Variants in SSBP3 observed in about 807,000 individuals in gnomAD.
SSBP3 encodes the protein single-stranded DNA-binding protein 3.
Under a neutral mutation model 69.6 loss-of-function variants are expected in SSBP3, and 5 were observed. That is an observed-to-expected ratio of 0.07 (90% CI 0.04 to 0.15). The LOEUF is 0.15. Among genes scored for constraint, SSBP3 ranks in the 10% least tolerant of loss-of-function variants. The probability of loss-of-function intolerance (pLI) is 1.00; values close to 1 mark genes in which losing one functional copy is unlikely to be tolerated. For missense variants in SSBP3, 312 were observed against 534.0 expected, an observed-to-expected ratio of 0.58 and a Z score of 4.10; for synonymous variants, 196 against 193.4, an observed-to-expected ratio of 1.01 and a Z score of -0.11.
chr1:54,376,331 T>C (rs1021563822), intron 4 of SSBP3, among the ~76,000 whole-genome samples: 6 of 152,342 alleles, frequency 3.9e-5, no homozygotes, highest in Non-Finnish European at 7.3e-5. Flanking sequence ...CTTTTAGGCA[T>C]GTTACCACTG....
At chr1:54,284,721 A>G (rs1488221637) in intron 4 of SSBP3, among the ~76,000 whole-genome samples, 2 of 152,088 alleles carry the variant, frequency 1.3e-5, no homozygotes, top group African/African-American at 2.4e-5. Flanking sequence ...CTGCCACCTC[A>G]GCCCCCAAAA....
At chr1:54,368,211 T>C (rs1360568319) in intron 4 of SSBP3, among the ~76,000 whole-genome samples, 2 of 137,522 alleles carry the variant, frequency 1.5e-5, no homozygotes, top group African/African-American at 2.8e-5. Context: ...GGCAGAAAAA[T>C]GGCATGAACC....
intron 3 of SSBP3, among the ~76,000 whole-genome samples, chr1:54,403,353 T>C (rs868692553): frequency 1.3e-5 from 2 of 152,132 alleles, no homozygotes; most frequent in Middle Eastern, 3.2e-3. Context: ...TTTCTAACAC[T>C]ACAAATTCCC....
chr1:54,251,476 G>A, intron 9 of SSBP3, 140 bp downstream of exon 9: 2 of 945,280 alleles, frequency 2.1e-6, no homozygotes, highest in East Asian at 5.2e-5. Context: ...AAGCGGACAG[G>A]AGCAGGGGAT....
chr1:54,233,603 T>C (rs1407036102), intron 14 of SSBP3, among the ~76,000 whole-genome samples: 1 of 120,910 alleles, frequency 8.3e-6, no homozygotes, highest in African/African-American at 3.2e-5. Context: ...GTCAGCCCCC[T>C]GCCCGGCCAG....
exon 13 of SSBP3, chr1:54,240,955 G>A: frequency 6.2e-7 from 1 of 1,609,036 alleles, no homozygotes; most frequent in Non-Finnish European, 8.5e-7. Flanking sequence ...ACCACCAGGG[G>A]GTCCCTAAAG....
intron 4 of SSBP3, among the ~76,000 whole-genome samples, chr1:54,359,066 G>C (rs924096405): frequency 2.6e-5 from 4 of 152,262 alleles, no homozygotes; most frequent in South Asian, 4.1e-4. Flanking sequence ...ATTATCAGAA[G>C]AACATTGGCA....
intron 4 of SSBP3, among the ~76,000 whole-genome samples, chr1:54,331,032 T>C (rs550734568): frequency 1.3e-5 from 2 of 152,358 alleles, no homozygotes; most frequent in Admixed American, 6.5e-5. Flanking sequence ...ACATCCATCA[T>C]TGCAAACACT....
At chr1:54,281,414 A>G (rs1392559523) in intron 5 of SSBP3, 24 bp downstream of exon 5, 24 of 1,540,968 alleles carry the variant, frequency 1.6e-5, no homozygotes, top group Non-Finnish European at 2.0e-5. Flanking sequence ...GGTGGAGCAC[A>G]AGACCCACGG....
chr1:54,229,077 A>G (rs61776465), intron 14 of SSBP3, among the ~76,000 whole-genome samples: 14,837 of 151,970 alleles, frequency 0.098, 979 homozygotes, highest in South Asian at 0.24. Context: ...CTGCCACCCA[A>G]CTCCACACAG....
At chr1:54,385,942 G>C (rs1346565231) in intron 4 of SSBP3, among the ~76,000 whole-genome samples, 3 of 152,178 alleles carry the variant, frequency 2.0e-5, no homozygotes, top group African/African-American at 7.2e-5. Flanking sequence ...GACACAAAAA[G>C]TAAAGTCGCT....
At chr1:54,321,204 G>C (rs550684242) in intron 4 of SSBP3, among the ~76,000 whole-genome samples, 1 of 152,354 alleles carries the variant, frequency 6.6e-6, no homozygotes, top group East Asian at 1.9e-4. Context: ...GGCCTTGGGG[G>C]CCCAGCCAGG....
At chr1:54,355,178 A>C (rs1051190026) in intron 4 of SSBP3, among the ~76,000 whole-genome samples, 1 of 152,222 alleles carries the variant, frequency 6.6e-6, no homozygotes, top group African/African-American at 2.4e-5. Flanking sequence ...CTGATGAGAG[A>C]ATGAATGAGA....
intron 1 of SSBP3, 37 bp from the exon 2 acceptor site, chr1:54,404,967 A>C (rs777874276): frequency 3.8e-6 from 6 of 1,581,826 alleles, no homozygotes; most frequent in East Asian, 2.2e-5. Context: ...AGAGAGGGAA[A>C]GGCGTCAGAT....
intron 4 of SSBP3, among the ~76,000 whole-genome samples, chr1:54,303,728 G>A (rs1285062904): frequency 6.6e-6 from 1 of 152,226 alleles, no homozygotes; most frequent in South Asian, 2.1e-4. Flanking sequence ...GTTCAGAGAC[G>A]CACCATAAGC....
chr1:54,245,850 T>C (rs945474713), intron 9 of SSBP3, among the ~76,000 whole-genome samples: 2 of 152,196 alleles, frequency 1.3e-5, no homozygotes. Context: ...TTTGGGCAAA[T>C]TACCAAATGA....
exon 18 of SSBP3, chr1:54,226,667 C>CTTTTTTT (rs543365018): frequency 7.6e-6 from 1 of 131,168 alleles, no homozygotes; most frequent in African/African-American, 2.9e-5. Flanking sequence ...TTCCTTTTTC[C>CTTTTTTT]TTTTTTTTTT....
chr1:54,294,153 AAAAAAAAAAGAAAG>A (rs1461748721), intron 4 of SSBP3, among the ~76,000 whole-genome samples: 1 of 101,688 alleles, frequency 9.8e-6, no homozygotes, highest in African/African-American at 3.4e-5. Context: ...AAAAAAAAAA[AAAAAAAAAAGAAAG>A]AAAGAAAGAA....
rs140659532 is a variant in SSBP3 at position 54,270,294 on chromosome 1, G to A, written c.366+11144C>T. Among the ~76,000 whole-genome samples, 724 of 152,272 alleles carry A rather than the reference G, an allele frequency of 4.8e-3. 5 individuals carry two copies. The highest frequency in any genetic ancestry group is 0.017 in the African/African-American group (691 of 41,546). On this transcript the variant is annotated intron_variant, in intron 5 of 17. Transcript: ENST00000610401. The stretch of plus-strand genomic sequence containing the variant: ...GCTGGTCTCCATCAGACTCATGGTA[G>A]CAAGCCCGGGAGGAAAAGAATCAGA...
Sources: gnomAD v4.1 joint callset for allele counts (sites outside exome capture counted in the v4.1 genomes callset) on GRCh38, gnomAD v4.1.1 for gene constraint, MANE v1.5 for transcripts, NCBI Gene and HGNC (gene_info 2026-07-23, HGNC 2026-07-21) for gene names.